The following DACH2 variants were observed in gnomAD, a reference collection of about 807,000 sequenced individuals.
DACH2 encodes the protein dachshund homolog 2.
A neutral mutation model predicts 35.8 loss-of-function variants in DACH2; 17 were observed. That is an observed-to-expected ratio of 0.48 (90% CI 0.33 to 0.71). The LOEUF (loss-of-function observed/expected upper bound fraction) is 0.71. Ranked by LOEUF, DACH2 falls within the 30% of genes least tolerant of loss-of-function variation. The pLI is 0.02. For synonymous variants in DACH2, 195 were observed against 177.3 expected, an observed-to-expected ratio of 1.10 and a Z score of -0.79; for missense variants, 469 against 472.7, an observed-to-expected ratio of 0.99 and a Z score of 0.07.
At chrX:86,755,345 G>T (rs1019633355) in intron 7 of DACH2, among the ~76,000 whole-genome samples, 1 of 111,049 alleles carries the variant, frequency 9.0e-6, no homozygotes, top group African/African-American at 3.3e-5. Flanking sequence ...ATAGTTTGCA[G>T]GTGTTTTCTC....
intron 3 of DACH2, among the ~76,000 whole-genome samples, chrX:86,532,679 T>C (rs1216937470): frequency 1.8e-5 from 2 of 111,443 alleles, no homozygotes; most frequent in Non-Finnish European, 3.8e-5. Flanking sequence ...AATGAACTAA[T>C]AGTCTAGTTC....
At chrX:86,459,616 C>T (rs761548821) in intron 2 of DACH2, among the ~76,000 whole-genome samples, 6 of 111,321 alleles carry the variant, frequency 5.4e-5, no homozygotes, top group African/African-American at 1.6e-4. Flanking sequence ...TCTTTGTCAC[C>T]TCTATTTTCT....
At chrX:86,328,756 T>C (rs999059920) in intron 1 of DACH2, among the ~76,000 whole-genome samples, 1 of 111,692 alleles carries the variant, frequency 9.0e-6, no homozygotes, top group African/African-American at 3.3e-5. Context: ...TGAATTGCAA[T>C]TAGATAGAGT....
At chrX:86,719,977 C>T (rs1191093724) in intron 6 of DACH2, among the ~76,000 whole-genome samples, 5 of 92,009 alleles carry the variant, frequency 5.4e-5, no homozygotes, top group African/African-American at 2.1e-4. Context: ...CTCTCTCTGT[C>T]GCCCAGCCTA....
chrX:86,402,219 C>A (rs2036447305), intron 2 of DACH2, among the ~76,000 whole-genome samples: 1 of 111,545 alleles, frequency 9.0e-6, no homozygotes, highest in African/African-American at 3.3e-5. Flanking sequence ...AAAATCTATC[C>A]AAATAGGAAA....
intron 3 of DACH2, among the ~76,000 whole-genome samples, chrX:86,588,440 C>T (rs774220105): frequency 5.4e-5 from 6 of 111,664 alleles, no homozygotes; most frequent in Admixed American, 9.6e-5. Flanking sequence ...TTAAATCTGT[C>T]GATTGCTTTT....
chrX:86,831,870 C>T (rs2042615654), intron 11 of DACH2: 3 of 334,244 alleles, frequency 9.0e-6, no homozygotes, highest in Non-Finnish European at 1.5e-5. Flanking sequence ...TATCAGTCTT[C>T]AATGTCTCCG....
At chrX:86,671,129 G>T in intron 4 of DACH2, among the ~76,000 whole-genome samples, 1 of 112,026 alleles carries the variant, frequency 8.9e-6, no homozygotes, top group Non-Finnish European at 1.9e-5. Flanking sequence ...TGCCATATGA[G>T]TATAAAATGG....
chrX:86,593,893 A>C (rs1477997060), intron 3 of DACH2, among the ~76,000 whole-genome samples: 2 of 111,075 alleles, frequency 1.8e-5, no homozygotes, highest in African/African-American at 6.5e-5. Context: ...ATTTGCTTAT[A>C]TTTTCTGGAA....
At position 86,442,391 on chromosome X, in the gene DACH2, G is replaced by GTT. The variant is rs754462295; in HGVS notation, c.527+65543_527+65544dup. Among the ~76,000 whole-genome samples, 41 of 70,498 alleles carry GTT rather than the reference G, an allele frequency of 5.8e-4. 1 individual carries two copies. Among genetic ancestry groups the GTT allele is most frequent in the East Asian group, 1.5e-3 (3 of 1,968 alleles). The allele number at this position is 70,498 out of a possible 115,157, so 61.2% of individuals were successfully genotyped here. On this transcript the variant is annotated intron_variant, in intron 2 of 11. Transcript: ENST00000373125. Reference sequence around the variant, plus strand: ...TGTGTGTGTGTGTGTGTGTGTGTATGTTTTTTTTTTTTTTTGCTATTGTCT... The same window carrying GTT: ...TGTGTGTGTGTGTGTGTGTGTGTATGTTTTTTTTTTTTTTTTTGCTATTGTCT...
In DACH2 at chrX:86,254,807, T is replaced by TAGAGAGAGAGAGAG. The variant is rs755869488; in HGVS notation, c.488+105717_488+105730dup. ...ATATATATATATATATATATATATA[T>TAGAGAGAGAGAGAG]AGAGAGAGAGAGAGAGAGAGAGAGA... On this transcript the variant is annotated intron_variant, in intron 1 of 11. Coordinates refer to ENST00000373125, the MANE Select transcript of DACH2 (RefSeq NM_053281.3). Among the ~76,000 whole-genome samples, 56 of 49,636 alleles carry TAGAGAGAGAGAGAG rather than the reference T, an allele frequency of 1.1e-3. 3 individuals carry two copies. Among genetic ancestry groups the TAGAGAGAGAGAGAG allele is most frequent in the African/African-American group, 6.3e-3 (54 of 8,537 alleles). 43.1% of individuals were successfully genotyped at this position (49,636 alleles called of 115,157 possible).
At chrX:86,337,408 G>A (rs2035332290) in intron 1 of DACH2, among the ~76,000 whole-genome samples, 1 of 112,215 alleles carries the variant, frequency 8.9e-6, no homozygotes, top group African/African-American at 3.2e-5. Flanking sequence ...CCAGAAGAGA[G>A]TGGGGGCCAA....
chrX:86,337,224 G>A, intron 1 of DACH2, among the ~76,000 whole-genome samples: 1 of 111,241 alleles, frequency 9.0e-6, no homozygotes, highest in East Asian at 2.9e-4. Flanking sequence ...GAAATACAGA[G>A]AATGCCACAA....
chrX:86,750,134 A>G (rs2041757074), intron 7 of DACH2, among the ~76,000 whole-genome samples: 2 of 111,308 alleles, frequency 1.8e-5, no homozygotes, highest in Non-Finnish European at 3.8e-5. Context: ...ACAATGTTGA[A>G]TAGACATGGT....
rs774171727 is a variant in DACH2 at position 86,149,058 on chromosome X, C to T, written c.438C>T (p.Leu146=). Residue 146 remains leucine, a synonymous_variant, in exon 1 of 12, where the codon CTC becomes CTT. Transcript: ENST00000373125. ...AGCCCGGGGTAAACCGCTGCAAACT[C>T]ATCACCAGGAAAGACTTCGAAACTT... is the stretch of plus-strand genomic sequence containing the variant. ...AIQPGVNRCK[L]ITRKDFETLF... 8.4e-7 allele frequency: 1 copy of T among 1,196,154 alleles called. No homozygotes were observed. Among genetic ancestry groups the T allele is most frequent in the African/African-American group, 1.8e-5 (1 of 56,424 alleles).
At chrX:86,655,991 A>G (rs923804615) in intron 4 of DACH2, among the ~76,000 whole-genome samples, 19 of 108,551 alleles carry the variant, frequency 1.8e-4, no homozygotes, top group African/African-American at 6.4e-4. Flanking sequence ...GTATATCATC[A>G]AGACTTTGTC....
intron 1 of DACH2, among the ~76,000 whole-genome samples, chrX:86,302,702 A>T (rs1265767967): frequency 9.1e-6 from 1 of 110,198 alleles, no homozygotes; most frequent in African/African-American, 3.3e-5. Flanking sequence ...TATTATTTAT[A>T]TATCTATATA....
At chrX:86,349,353 G>A (rs1832495837) in intron 1 of DACH2, among the ~76,000 whole-genome samples, 1 of 111,926 alleles carries the variant, frequency 8.9e-6, no homozygotes, top group South Asian at 3.7e-4. Context: ...CCACCTGTGT[G>A]TTCCTCTCTA....
intron 2 of DACH2, among the ~76,000 whole-genome samples, chrX:86,408,739 A>C (rs917887852): frequency 9.0e-6 from 1 of 111,488 alleles, no homozygotes; most frequent in Admixed American, 9.6e-5. Context: ...TCCTGTTAGG[A>C]TCTGAACACA....
Sources: gnomAD v4.1 joint callset for allele counts (sites outside exome capture counted in the v4.1 genomes callset) on GRCh38, gnomAD v4.1.1 for gene constraint, MANE v1.5 for transcripts, NCBI Gene and HGNC (gene_info 2026-07-23, HGNC 2026-07-21) for gene names.